Variants in SETDB1 observed in about 807,000 individuals in gnomAD.
SETDB1 encodes SET domain bifurcated histone lysine methyltransferase 1.
SETDB1 carries 31 observed loss-of-function variants against 137.4 expected under a neutral mutation model. The ratio of observed to expected loss-of-function variants is 0.23; its 90% CI spans 0.17 to 0.30. The LOEUF (loss-of-function observed/expected upper bound fraction) is 0.30. Ranked by LOEUF, SETDB1 falls within the 10% of genes least tolerant of loss-of-function variation. The probability of loss-of-function intolerance (pLI) is 1.00; values close to 1 mark genes in which losing one functional copy is unlikely to be tolerated. For synonymous variants in SETDB1, 548 were observed against 579.9 expected (o/e 0.95, Z 0.79); for missense variants, 1,113 against 1,631.5 (o/e 0.68, Z 5.47).
In SETDB1 at chr1:150,964,596, T is replaced by A; in HGVS notation, c.*232T>A. On this transcript the variant is annotated 3_prime_UTR_variant, in exon 22 of 22. Coordinates refer to ENST00000692827, the MANE Select transcript of SETDB1 (RefSeq NM_001366418.1). ...GTGGGGAGAGATCACCACTCTAACCTCGGCCTGACATCCCTCCCATCCCAT... is the reference window on the plus strand; with the variant it reads ...GTGGGGAGAGATCACCACTCTAACCACGGCCTGACATCCCTCCCATCCCAT... The A allele has an allele frequency of 1.5e-6, 1 of 675,458 alleles. No homozygotes were observed. Among genetic ancestry groups the A allele is most frequent in the Non-Finnish European group, 2.7e-6 (1 of 369,850 alleles). The allele number at this position is 675,458 out of a possible 1,614,324, so 41.8% of individuals were successfully genotyped here. A position where few individuals can be genotyped will look rare whatever the true frequency, so the allele number is the denominator to read the frequency against.
chr1:150,939,352 G>C (rs1463143611), intron 3 of SETDB1, among the ~76,000 whole-genome samples: 2 of 149,698 alleles, frequency 1.3e-5, no homozygotes, highest in Non-Finnish European at 3.0e-5. Context: ...TTTTGAGCCA[G>C]AGTCTCGTTC....
At chr1:150,961,451 G>A (rs1239529624) in intron 16 of SETDB1, 6 of 430,688 alleles carry the variant, frequency 1.4e-5, no homozygotes, top group Non-Finnish European at 1.7e-5. Context: ...TTCAGGAGTT[G>A]GAGACCATCC....
intron 16 of SETDB1, chr1:150,961,851 C>CT (rs1237031879): frequency 2.1e-6 from 1 of 476,818 alleles, no homozygotes; most frequent in Non-Finnish European, 3.8e-6. Context: ...GATTATGCTG[C>CT]TTTCCACATT....
At chr1:150,951,344 T>G in intron 13 of SETDB1, 21 bp from the exon 14 acceptor site, 3 of 1,530,952 alleles carry the variant, frequency 2.0e-6, no homozygotes, top group Middle Eastern at 1.7e-4. Context: ...CTCCTTTCCT[T>G]TATTTCCCTC....
chr1:150,933,761 CTTTTTCTTTTTCTTTTTCTTTTTTTTT>C (rs1558012187), intron 3 of SETDB1, among the ~76,000 whole-genome samples: 2 of 113,390 alleles, frequency 1.8e-5, no homozygotes, highest in Non-Finnish European at 3.7e-5. Flanking sequence ...TTTTCTTTTT[CTTTTTCTTTTTCTTTTTCTTTTTTTTT>C]TTTTTTTTTT....
rs1558028954 is a variant in SETDB1, at chr1:150,963,678, T to C, written c.3609T>C (p.Asp1203=). The C allele has an allele frequency of 6.2e-7, 1 of 1,614,224 alleles. No individual in the cohort carries two copies. Among genetic ancestry groups the C allele is most frequent in the Non-Finnish European group, 8.5e-7 (1 of 1,180,042 alleles). ...GTAAGAACACACGCCAATTCTATGATGGCGAGGAGTCTTGCTACATCATTG... is the reference window on the plus strand; with the variant it reads ...GTAAGAACACACGCCAATTCTATGACGGCGAGGAGTCTTGCTACATCATTG... ...PVRKNTRQFY[D]GEESCYIIDA... is the part of the protein sequence containing the mutation. Residue 1203 remains aspartate, a synonymous_variant, in exon 20 of 22, where the codon GAT becomes GAC. Coordinates refer to ENST00000692827, the MANE Select transcript of SETDB1 (RefSeq NM_001366418.1).
chr1:150,958,057 G>A (rs1021476394), intron 14 of SETDB1, among the ~76,000 whole-genome samples: 2 of 151,674 alleles, frequency 1.3e-5, no homozygotes, highest in Non-Finnish European at 1.5e-5. Context: ...ACGGTGGCGC[G>A]TGCCTGTAAT....
intron 2 of SETDB1, among the ~76,000 whole-genome samples, chr1:150,929,447 C>T (rs1045161501): frequency 2.6e-5 from 4 of 151,602 alleles, no homozygotes; most frequent in South Asian, 2.1e-4. Flanking sequence ...GACGTGATCT[C>T]GGCTCACTGC....
Position 150,942,844 on chromosome 1 carries a change from T to C in SETDB1, c.674-8T>C, listed in dbSNP as rs1194682465. ...GTTTAAAAAGATTTATCTTTCCCTTTTACTCAGGGCCAGGGAAGAAATACA... is the reference window on the plus strand; with the variant it reads ...GTTTAAAAAGATTTATCTTTCCCTTCTACTCAGGGCCAGGGAAGAAATACA... On this transcript the variant is annotated splice_polypyrimidine_tract_variant and splice_region_variant and intron_variant, in intron 6 of 21. Transcript: ENST00000692827. 2 of 1,612,904 alleles carry C rather than the reference T, an allele frequency of 1.2e-6. No homozygotes were observed. Among genetic ancestry groups the C allele is most frequent in the East Asian group, 4.5e-5 (2 of 44,868 alleles).
chr1:150,927,922 C>G lies in SETDB1; in HGVS notation c.208C>G (p.Gln70Glu). Residue 70 changes from glutamine to glutamate, a missense_variant, in exon 2 of 22, where the codon CAG becomes GAG. By Grantham distance (29) the Gln-to-Glu change is conservative (BLOSUM62 2). This residue lies in a region of SETDB1 where 159 missense variants were observed against 188.6 expected (regional missense o/e 0.84). Coordinates refer to ENST00000692827, the MANE Select transcript of SETDB1 (RefSeq NM_001366418.1). ...AGCAGAGTTAGAGACATGGGTAATA[C>G]AGAAAGAATCTGAGGTGGCTCACGT... The part of the protein sequence containing the change: ...QLAELETWVI[Q>E]KESEVAHVDQ... 1 of 1,614,146 alleles carries G rather than the reference C, an allele frequency of 6.2e-7. No individual in the cohort carries two copies. The highest frequency in any genetic ancestry group is 2.2e-5 in the East Asian group (1 of 44,888).
In SETDB1 at chr1:150,962,995, A is replaced by G; in HGVS notation, c.3316A>G (p.Ser1106Gly). 1 of 1,614,102 alleles carries G rather than the reference A, an allele frequency of 6.2e-7. No homozygotes were observed. The highest frequency in any genetic ancestry group is 8.5e-7 in the Non-Finnish European group (1 of 1,179,976). The change falls in exon 19 of 22, where the codon AGC becomes GGC. Residue 1106 changes from serine to glycine, a missense_variant. By Grantham distance (56) the Ser-to-Gly change is moderately conservative. This residue lies in a region of SETDB1 where 373 missense variants were observed against 412.7 expected (regional missense o/e 0.90). Coordinates refer to ENST00000692827, the MANE Select transcript of SETDB1 (RefSeq NM_001366418.1). ...NPDDVLTLSS[S>G]TESEGESGTS... ...CCAGGATGTCCTGACACTGTCCAGCAGCACAGAAAGTGAGGGGGAAAGTGG... is the reference window on the plus strand; with the variant it reads ...CCAGGATGTCCTGACACTGTCCAGCGGCACAGAAAGTGAGGGGGAAAGTGG...
chr1:150,942,518 G>A lies in SETDB1; in HGVS notation c.548-45G>A, dbSNP rs201450109. 79 of 1,567,534 alleles carry A rather than the reference G, an allele frequency of 5.0e-5. No individual in the cohort carries two copies. The East Asian group carries it at 1.3e-3, about 26-fold the overall frequency. On this transcript the variant is annotated intron_variant, in intron 5 of 21. Coordinates refer to ENST00000692827, the MANE Select transcript of SETDB1 (RefSeq NM_001366418.1). Reference sequence around the variant, plus strand: ...CCTCTTTACCTTCCCGTTCTCTACCGAATCTATGTCATAACTCTTGAGAAT... The same window carrying A: ...CCTCTTTACCTTCCCGTTCTCTACCAAATCTATGTCATAACTCTTGAGAAT...
At chr1:150,959,768 G>A (rs765522939) in intron 15 of SETDB1, among the ~76,000 whole-genome samples, 1 of 152,134 alleles carries the variant, frequency 6.6e-6, no homozygotes, top group Non-Finnish European at 1.5e-5. Flanking sequence ...TACAAAGGGA[G>A]GTATTATCAA....
intron 3 of SETDB1, among the ~76,000 whole-genome samples, chr1:150,931,402 G>T (rs587649070): frequency 1.3e-5 from 2 of 151,070 alleles, no homozygotes; most frequent in South Asian, 4.2e-4. Flanking sequence ...TGGCTAACAC[G>T]GTGAAACCCC....
rs775026854 is a variant in SETDB1, at chr1:150,951,361, A to G, written c.2217-4A>G. ...CCTTTCCTTTATTTCCCTCTGTCAT[A>G]TAGGTCCAAGTGTGCCTGCCATCAA... On this transcript the variant is annotated splice_polypyrimidine_tract_variant and splice_region_variant and intron_variant, in intron 13 of 21. Coordinates refer to ENST00000692827, the MANE Select transcript of SETDB1 (RefSeq NM_001366418.1). 9 of 1,592,406 alleles carry G rather than the reference A, an allele frequency of 5.7e-6. No homozygotes were observed. Among genetic ancestry groups the G allele is most frequent in the African/African-American group, 1.3e-5 (1 of 74,398 alleles).
chr1:150,950,640 C>T lies in SETDB1; in HGVS notation c.1766C>T (p.Pro589Leu), dbSNP rs587688721. The stretch of plus-strand genomic sequence containing the variant: ...TATACCTGTCTGTCTCGAGTCAGAC[C>T]TATGAGGAATGAGCAGTACCGGGGC... Reference protein sequence around the residue: ...CSYTCLSRVRPMRNEQYRGKN... With the variant: ...CSYTCLSRVRLMRNEQYRGKN... The change falls in exon 13 of 22, where the codon CCT (proline) becomes CTT (leucine). Residue 589 changes from proline (P) to leucine (L), a missense_variant. Pro to Leu is a moderately conservative substitution (Grantham distance 98). This residue lies in a region of SETDB1 where 192 missense variants were observed against 198.1 expected (regional missense o/e 0.97). Transcript: ENST00000692827. 7 of 1,614,108 alleles carry T rather than the reference C, an allele frequency of 4.3e-6. No homozygotes were observed. The highest frequency in any genetic ancestry group is 1.7e-5 in the Admixed American group (1 of 60,012).
chr1:150,942,777 G>C, intron 6 of SETDB1, 75 bp from the exon 7 acceptor site: 1 of 1,597,518 alleles, frequency 6.3e-7, no homozygotes, highest in Non-Finnish European at 8.6e-7. Context: ...CTTCCCATTT[G>C]TCTCTCACAT....
intron 20 of SETDB1, 112 bp from the exon 21 acceptor site, chr1:150,963,883 T>C (rs1558029116): frequency 7.8e-7 from 1 of 1,277,298 alleles, no homozygotes. Context: ...TCAAAGCATC[T>C]ATTATAATGG....
chr1:150,961,795 C>T (rs1014401943), intron 16 of SETDB1: 7 of 309,644 alleles, frequency 2.3e-5, no homozygotes, highest in African/African-American at 1.5e-4. Context: ...TTGTTTCCTT[C>T]TACTAAAGTA....
Sources: gnomAD v4.1 joint callset for allele counts (sites outside exome capture counted in the v4.1 genomes callset) on GRCh38, gnomAD v4.1.1 for gene constraint, gnomAD v4.1.1 regional missense constraint, MANE v1.5 for transcripts, NCBI Gene and HGNC (gene_info 2026-07-23, HGNC 2026-07-21) for gene names.